The following CNTN4 variants were observed in gnomAD, a reference collection of about 807,000 sequenced individuals.
The protein encoded by CNTN4 is contactin 4.
In CNTN4, 77 loss-of-function variants were observed where a neutral mutation model predicts 122.5. The observed-to-expected ratio is 0.63, with a 90% CI of 0.52 to 0.76. The LOEUF (loss-of-function observed/expected upper bound fraction) is 0.76. CNTN4 is among the 30% of genes least tolerant of loss of function. CNTN4 has a pLI of 0.00. For missense variants in CNTN4, 1,256 were observed against 1,259.1 expected (o/e 1.00, Z 0.04); for synonymous variants, 512 against 447.0 (o/e 1.15, Z -1.83).
chr3:3,040,382 C>A, intron 20 of CNTN4, 111 bp downstream of exon 20: 1 of 826,748 alleles, frequency 1.2e-6, no homozygotes, highest in Non-Finnish European at 2.0e-6. Flanking sequence ...TGAAGGCATA[C>A]CTGATTTGAG....
At chr3:2,701,520 T>G (rs9811644) in intron 4 of CNTN4, among the ~76,000 whole-genome samples, 2 of 152,158 alleles carry the variant, frequency 1.3e-5, no homozygotes, top group Admixed American at 1.3e-4. Context: ...GAAGATCCAC[T>G]TATCCAATTT....
chr3:3,029,964 T>C (rs1002426813), intron 15 of CNTN4, among the ~76,000 whole-genome samples: 3 of 152,132 alleles, frequency 2.0e-5, no homozygotes, highest in African/African-American at 7.2e-5. Flanking sequence ...AATGGGAAAA[T>C]GAAGGAGGGC....
intron 2 of CNTN4, among the ~76,000 whole-genome samples, chr3:2,205,984 A>G (rs1045553958): frequency 2.0e-5 from 3 of 152,136 alleles, no homozygotes; most frequent in African/African-American, 4.8e-5. Context: ...GGAAGGTGGC[A>G]AATACTCGGA....
intron 2 of CNTN4, among the ~76,000 whole-genome samples, chr3:2,270,359 C>G (rs1171118933): frequency 6.6e-6 from 1 of 151,848 alleles, no homozygotes; most frequent in Non-Finnish European, 1.5e-5. Context: ...ATTTTGTCAC[C>G]CAGGTACTAA....
intron 2 of CNTN4, among the ~76,000 whole-genome samples, chr3:2,111,531 A>C (rs2032956186): frequency 6.6e-6 from 1 of 152,160 alleles, no homozygotes; most frequent in South Asian, 2.1e-4. Flanking sequence ...TAGTCTCCAC[A>C]GCTGGAAAAC....
At chr3:2,165,156 C>T (rs923047890) in intron 2 of CNTN4, among the ~76,000 whole-genome samples, 1 of 152,024 alleles carries the variant, frequency 6.6e-6, no homozygotes, top group Non-Finnish European at 1.5e-5. Flanking sequence ...AACCCCATCT[C>T]TACTAAAAAT....
intron 4 of CNTN4, among the ~76,000 whole-genome samples, chr3:2,645,733 G>C (rs2083087250): frequency 6.6e-6 from 1 of 152,152 alleles, no homozygotes; most frequent in African/African-American, 2.4e-5. Flanking sequence ...TATCACACTT[G>C]AGGTTCACTC....
chr3:2,489,451 C>T (rs2076253173), intron 3 of CNTN4, among the ~76,000 whole-genome samples: 1 of 152,158 alleles, frequency 6.6e-6, no homozygotes, highest in African/African-American at 2.4e-5. Context: ...TTCCCTTATG[C>T]TATATTTGTC....
At chr3:2,451,283 A>C (rs1258212555) in intron 3 of CNTN4, among the ~76,000 whole-genome samples, 1 of 152,038 alleles carries the variant, frequency 6.6e-6, no homozygotes, top group South Asian at 2.1e-4. Context: ...CATTACTAGC[A>C]CTCTAAAATT....
At chr3:2,369,424 A>G (rs1486519150) in intron 3 of CNTN4, among the ~76,000 whole-genome samples, 1 of 152,174 alleles carries the variant, frequency 6.6e-6, no homozygotes, top group Non-Finnish European at 1.5e-5. Flanking sequence ...AGTCTGTATT[A>G]TTTCTTCTAA....
chr3:2,489,037 C>T (rs2076241197), intron 3 of CNTN4, among the ~76,000 whole-genome samples: 1 of 152,134 alleles, frequency 6.6e-6, no homozygotes, highest in Admixed American at 6.5e-5. Context: ...TTTCTGGCAT[C>T]AAACCTCTGT....
intron 4 of CNTN4, chr3:2,735,748 C>G (rs2089039412): frequency 3.0e-6 from 1 of 336,736 alleles, no homozygotes; most frequent in Non-Finnish European, 5.8e-6. Context: ...CAATACGGAG[C>G]TGTTACTCAT....
intron 4 of CNTN4, among the ~76,000 whole-genome samples, chr3:2,600,098 T>A (rs916713755): frequency 8.3e-5 from 8 of 96,810 alleles, no homozygotes; most frequent in Non-Finnish European, 1.4e-4. Context: ...ACATTCAGTA[T>A]TTTTTTAAAT....
chr3:3,043,049 AC>A lies in CNTN4; in HGVS notation c.2585del (p.Thr862LysfsTer6). ...KIRTVGNQTS[T>X]KITNLKGSVL... ...ACGAACAGTTGGAAATCAGACATCAACAAAAATCACGAACTTAAAAGGCAGT... is the reference window on the plus strand; with the variant it reads ...ACGAACAGTTGGAAATCAGACATCAAAAAAATCACGAACTTAAAAGGCAGT... On this transcript the variant is annotated frameshift_variant, in exon 22 of 25. Coordinates refer to ENST00000418658, the MANE Select transcript of CNTN4 (RefSeq NM_175607.3). LOFTEE classifies it high-confidence loss of function. 1 of 1,614,214 alleles carries A rather than the reference AC, an allele frequency of 6.2e-7. No homozygotes were observed. Among genetic ancestry groups the A allele is most frequent in the Non-Finnish European group, 8.5e-7 (1 of 1,180,016 alleles).
At chr3:2,717,198 G>T (rs2087548074) in intron 4 of CNTN4, among the ~76,000 whole-genome samples, 1 of 152,100 alleles carries the variant, frequency 6.6e-6, no homozygotes. Context: ...CCCTTTATTG[G>T]CATGTGGAAA....
At chr3:2,288,242 G>T (rs2042011696) in intron 2 of CNTN4, among the ~76,000 whole-genome samples, 1 of 152,286 alleles carries the variant, frequency 6.6e-6, no homozygotes, top group South Asian at 2.1e-4. Flanking sequence ...TCTGCAGGTT[G>T]TACAAGAATT....
At chr3:2,287,457 C>T (rs2041942119) in intron 2 of CNTN4, among the ~76,000 whole-genome samples, 1 of 151,738 alleles carries the variant, frequency 6.6e-6, no homozygotes, top group African/African-American at 2.4e-5. Flanking sequence ...CCAAAATTAG[C>T]AGGGCATGGT....
intron 3 of CNTN4, among the ~76,000 whole-genome samples, chr3:2,358,656 G>A (rs1351307801): frequency 6.6e-6 from 1 of 152,028 alleles, no homozygotes; most frequent in East Asian, 1.9e-4. Flanking sequence ...GCAGGTATAA[G>A]TGAGAATTAA....
At chr3:2,464,051 G>C (rs1017915548) in intron 3 of CNTN4, among the ~76,000 whole-genome samples, 1 of 152,046 alleles carries the variant, frequency 6.6e-6, no homozygotes, top group Non-Finnish European at 1.5e-5. Context: ...CAGTAATTTT[G>C]TACTTCTCAG....
Sources: allele counts gnomAD v4.1 joint callset (sites outside exome capture counted in the v4.1 genomes callset), GRCh38; gene constraint gnomAD v4.1.1; transcripts MANE v1.5; gene names NCBI Gene and HGNC (gene_info 2026-07-23, HGNC 2026-07-21).